The following NRXN3 variants were observed in gnomAD, a reference collection of about 807,000 sequenced individuals.
The protein encoded by NRXN3 is neurexin III.
Under a neutral mutation model 137.6 loss-of-function variants are expected in NRXN3, and 32 were observed. The ratio of observed to expected loss-of-function variants is 0.23; its 90% CI spans 0.18 to 0.31. The LOEUF (loss-of-function observed/expected upper bound fraction) is 0.31, where lower values mean the gene tolerates loss of function less well. Ranked by LOEUF, NRXN3 falls within the 10% of genes least tolerant of loss-of-function variation. The pLI, the probability that NRXN3 is intolerant of heterozygous loss-of-function variation, is 1.00. For missense variants in NRXN3, 1,574 were observed against 2,062.5 expected, an observed-to-expected ratio of 0.76 and a Z score of 4.59; for synonymous variants, 798 against 784.5, an observed-to-expected ratio of 1.02 and a Z score of -0.29.
intron 16 of NRXN3, among the ~76,000 whole-genome samples, chr14:79,486,869 ATCTCTAC>A (rs1331017897): frequency 6.7e-6 from 1 of 148,624 alleles, no homozygotes; most frequent in Non-Finnish European, 1.5e-5. Flanking sequence ...AGCCTAAGTA[ATCTCTAC>A]TCTTTTGTGT....
intron 4 of NRXN3, among the ~76,000 whole-genome samples, chr14:78,485,323 C>G (rs572631502): frequency 3.4e-4 from 52 of 152,306 alleles, no homozygotes; most frequent in African/African-American, 1.2e-3. Flanking sequence ...TGCTCCCTTT[C>G]CCCCAGAGCC....
chr14:78,793,609 A>T (rs577975400), intron 8 of NRXN3, among the ~76,000 whole-genome samples: 22 of 152,308 alleles, frequency 1.4e-4, no homozygotes, highest in African/African-American at 5.1e-4. Flanking sequence ...TCCAGCAGTG[A>T]TGTGTGGCAA....
chr14:78,332,068 G>T (rs1180626269), intron 4 of NRXN3, among the ~76,000 whole-genome samples: 1 of 151,970 alleles, frequency 6.6e-6, no homozygotes, highest in African/African-American at 2.4e-5. Context: ...TGTGACTTTG[G>T]GCAAGTCATT....
intron 1 of NRXN3, among the ~76,000 whole-genome samples, chr14:78,225,981 GTGTGTGTGTGT>G (rs2064568747): frequency 3.2e-5 from 4 of 125,660 alleles, no homozygotes; most frequent in African/African-American, 6.9e-5. Context: ...GTTGGTGTGT[GTGTGTGTGTGT>G]GTGTGTGTGT....
chr14:79,215,058 C>G (rs966232342), intron 15 of NRXN3, among the ~76,000 whole-genome samples: 1 of 152,156 alleles, frequency 6.6e-6, no homozygotes, highest in Non-Finnish European at 1.5e-5. Context: ...TTAATTCCTT[C>G]TGGAGACTAG....
Position 78,995,591 on chromosome 14 carries a change from G to A in NRXN3, c.3262+7450G>A, listed in dbSNP as rs975957061. ...AATAATAATAAATTGAATGTGTAGT[G>A]GTGAAGTTTAGGAGATATGGCACAT... On this transcript the variant is annotated intron_variant, in intron 15 of 20. Coordinates refer to ENST00000335750, the MANE Select transcript of NRXN3 (RefSeq NM_001330195.2). Among the ~76,000 whole-genome samples, 56 of 152,266 alleles carry A rather than the reference G, an allele frequency of 3.7e-4. 1 individual carries two copies. The highest frequency in any genetic ancestry group is 1.3e-3 in the African/African-American group (54 of 41,544).
chr14:78,385,482 C>T (rs2089836796), intron 4 of NRXN3, among the ~76,000 whole-genome samples: 1 of 152,064 alleles, frequency 6.6e-6, no homozygotes, highest in Non-Finnish European at 1.5e-5. Context: ...ACTTTAAACC[C>T]AATGAGCCAG....
chr14:79,651,431 C>T (rs1025244029), intron 16 of NRXN3, among the ~76,000 whole-genome samples: 1 of 152,088 alleles, frequency 6.6e-6, no homozygotes, highest in Non-Finnish European at 1.5e-5. Context: ...GGTGCTTTCA[C>T]CATTGTGTCA....
At chr14:78,931,112 C>T (rs1297794436) in intron 10 of NRXN3, among the ~76,000 whole-genome samples, 1 of 152,166 alleles carries the variant, frequency 6.6e-6, no homozygotes, top group Non-Finnish European at 1.5e-5. Flanking sequence ...TGGCTTTTAT[C>T]CTTTCATTGA....
At chr14:79,069,791 C>T (rs1249926439) in intron 15 of NRXN3, among the ~76,000 whole-genome samples, 1 of 152,016 alleles carries the variant, frequency 6.6e-6, no homozygotes, top group Non-Finnish European at 1.5e-5. Context: ...TTGCTTGCAG[C>T]CCAGACAATG....
At position 79,072,935 on chromosome 14, in the gene NRXN3, G is replaced by C. The variant is rs548702301; in HGVS notation, c.3262+84794G>C. Among the ~76,000 whole-genome samples the C allele has an allele frequency of 2.0e-5, 3 of 150,464 alleles. No individual in the cohort carries two copies. In the South Asian group the frequency reaches 6.3e-4, roughly 32 times the overall value. On this transcript the variant is annotated intron_variant, in intron 15 of 20. Coordinates refer to ENST00000335750, the MANE Select transcript of NRXN3 (RefSeq NM_001330195.2). Reference sequence around the variant, plus strand: ...AGTTTCATTCCTGTCGCCCAGGCTGGAGTGCAGTGGTGCAATCTCGGCTCA... The same window carrying C: ...AGTTTCATTCCTGTCGCCCAGGCTGCAGTGCAGTGGTGCAATCTCGGCTCA...
intron 15 of NRXN3, among the ~76,000 whole-genome samples, chr14:79,222,548 A>G (rs1212352623): frequency 6.6e-6 from 1 of 152,154 alleles, no homozygotes; most frequent in African/African-American, 2.4e-5. Context: ...ACCAAGGAGC[A>G]CAACTGCTGG....
At chr14:78,304,964 G>A (rs901269730) in intron 4 of NRXN3, among the ~76,000 whole-genome samples, 1 of 152,208 alleles carries the variant, frequency 6.6e-6, no homozygotes. Context: ...ACACACACCT[G>A]CGTGCCAGAT....
intron 15 of NRXN3, among the ~76,000 whole-genome samples, chr14:79,257,352 G>A (rs868642080): frequency 1.9e-4 from 14 of 73,848 alleles, no homozygotes; most frequent in South Asian, 5.7e-4. Flanking sequence ...CCTGGTGGTG[G>A]TGGTGGTGGT....
chr14:78,450,987 C>A (rs959544764), intron 4 of NRXN3, among the ~76,000 whole-genome samples: 3 of 152,030 alleles, frequency 2.0e-5, no homozygotes, highest in African/African-American at 7.2e-5. Context: ...GCTACCACTT[C>A]TTCTACCTTT....
At chr14:79,352,017 A>C (rs1309121668) in intron 15 of NRXN3, among the ~76,000 whole-genome samples, 1 of 152,198 alleles carries the variant, frequency 6.6e-6, no homozygotes, top group Non-Finnish European at 1.5e-5. Context: ...TCTGAGTTAG[A>C]AGTGTCAAAA....
intron 4 of NRXN3, among the ~76,000 whole-genome samples, chr14:78,359,030 G>A (rs544484323): frequency 5.9e-5 from 9 of 152,256 alleles, no homozygotes; most frequent in African/African-American, 2.2e-4. Flanking sequence ...AATAACCTAA[G>A]CCAGTTTATG....
intron 16 of NRXN3, among the ~76,000 whole-genome samples, chr14:79,503,650 G>A (rs2096845897): frequency 6.6e-6 from 1 of 152,136 alleles, no homozygotes; most frequent in African/African-American, 2.4e-5. Flanking sequence ...CTTTACTGAT[G>A]TCCCTGTGAC....
At chr14:79,406,547 C>T (rs1045436125) in intron 15 of NRXN3, among the ~76,000 whole-genome samples, 4 of 152,130 alleles carry the variant, frequency 2.6e-5, no homozygotes, top group African/African-American at 9.6e-5. Flanking sequence ...AAGCAATTCA[C>T]CCTCCTCGGC....
Sources: allele counts gnomAD v4.1 joint callset (sites outside exome capture counted in the v4.1 genomes callset), GRCh38; gene constraint gnomAD v4.1.1; transcripts MANE v1.5; gene names NCBI Gene and HGNC (gene_info 2026-07-23, HGNC 2026-07-21).